MAPK8: variants seen among roughly 807,000 people sequenced by gnomAD.
MAPK8 encodes mitogen-activated protein kinase 8.
A neutral mutation model predicts 52.9 loss-of-function variants in MAPK8; 13 were observed. That is an observed-to-expected ratio of 0.25 (90% CI 0.16 to 0.39). MAPK8 has a LOEUF of 0.39. MAPK8 is among the 10% of genes least tolerant of loss of function. MAPK8 has a pLI of 1.00. For missense variants in MAPK8, 300 were observed against 519.2 expected (o/e 0.58, Z 4.10); for synonymous variants, 191 against 169.8 (o/e 1.12, Z -0.97).
chr10:48,419,757 C>A (rs764703812), intron 5 of MAPK8, among the ~76,000 whole-genome samples: 6 of 152,154 alleles, frequency 3.9e-5, no homozygotes, highest in Non-Finnish European at 7.4e-5. Flanking sequence ...CTTATTGTGA[C>A]TTTAAAATGA....
rs1161526720 is a variant in MAPK8 at position 48,306,789 on chromosome 10, G to C, written c.-82G>C. 3 of 151,548 alleles carry C rather than the reference G, an allele frequency of 2.0e-5. No individual in the cohort carries two copies. Among genetic ancestry groups the C allele is most frequent in the Admixed American group, 2.0e-4 (3 of 15,228 alleles). 9.4% of individuals were successfully genotyped at this position (151,548 alleles called of 1,614,324 possible). ...CCGGACGGCCCCTGTCCCCGCTGGC[G>C]GGCTTCCCTGTCGCCGTTCGCTGCG... On this transcript the variant is annotated 5_prime_UTR_variant, in exon 1 of 12. Coordinates refer to ENST00000374189, the MANE Select transcript of MAPK8 (RefSeq NM_001323329.2).
intron 1 of MAPK8, among the ~76,000 whole-genome samples, chr10:48,334,966 T>C (rs1316934400): frequency 1.3e-5 from 2 of 152,158 alleles, no homozygotes; most frequent in Non-Finnish European, 2.9e-5. Flanking sequence ...ATCCCCCTTA[T>C]AAGGTTATAC....
intron 5 of MAPK8, among the ~76,000 whole-genome samples, chr10:48,417,672 T>C (rs1018048492): frequency 6.6e-6 from 1 of 152,168 alleles, no homozygotes; most frequent in Non-Finnish European, 1.5e-5. Context: ...TTCCCCCATA[T>C]TCCATTGGAC....
At chr10:48,367,357 ATCT>A (rs1378406674) in intron 1 of MAPK8, among the ~76,000 whole-genome samples, 1 of 151,756 alleles carries the variant, frequency 6.6e-6, no homozygotes, top group Non-Finnish European at 1.5e-5. Context: ...GCAGAGTGAG[ATCT>A]TGTTTAAAAA....
intron 1 of MAPK8, among the ~76,000 whole-genome samples, chr10:48,397,881 G>A (rs2041968346): frequency 6.6e-6 from 1 of 152,146 alleles, no homozygotes; most frequent in South Asian, 2.1e-4. Context: ...GTGAGCCACT[G>A]TACCAGGCCG....
intron 1 of MAPK8, among the ~76,000 whole-genome samples, chr10:48,318,034 A>G (rs1436377821): frequency 2.1e-5 from 3 of 141,544 alleles, no homozygotes; most frequent in African/African-American, 7.9e-5. Context: ...TGCCAGGTGT[A>G]TTAGAGTTCT....
intron 1 of MAPK8, among the ~76,000 whole-genome samples, chr10:48,350,175 A>G (rs943797756): frequency 1.3e-5 from 2 of 152,248 alleles, no homozygotes; most frequent in Non-Finnish European, 2.9e-5. Context: ...TCACAGCCGA[A>G]TTCTACCAGA....
chr10:48,373,985 C>T (rs2040493604), intron 1 of MAPK8, among the ~76,000 whole-genome samples: 1 of 152,054 alleles, frequency 6.6e-6, no homozygotes, highest in African/African-American at 2.4e-5. Flanking sequence ...TAAAATTGAC[C>T]ACATAAGTGG....
In MAPK8 at chr10:48,419,489, A is replaced by C. The variant is rs149367465; in HGVS notation, c.451-666A>C. Among the ~76,000 whole-genome samples, 161 of 152,290 alleles carry C rather than the reference A, an allele frequency of 1.1e-3. 1 individual carries two copies. In the East Asian group the frequency reaches 0.013, roughly 12 times the overall value. On this transcript the variant is annotated intron_variant, in intron 5 of 11. Transcript: ENST00000374189. ...TGTTAAAGTAGGGGCCAGGTGAAAA[A>C]TTCTGAATTATTCAGTAGTATCTAT...
intron 1 of MAPK8, among the ~76,000 whole-genome samples, chr10:48,371,970 G>C (rs975283781): frequency 2.0e-5 from 3 of 152,030 alleles, no homozygotes; most frequent in African/African-American, 7.3e-5. Flanking sequence ...GCGTGGAGAA[G>C]GGGCATGGAG....
intron 1 of MAPK8, among the ~76,000 whole-genome samples, chr10:48,389,445 A>G (rs533337731): frequency 5.9e-5 from 9 of 152,192 alleles, no homozygotes; most frequent in African/African-American, 2.2e-4. Context: ...TGGTTCTGCC[A>G]CTTTGTCCAT....
At chr10:48,358,563 T>A (rs1847205184) in intron 1 of MAPK8, among the ~76,000 whole-genome samples, 1 of 152,214 alleles carries the variant, frequency 6.6e-6, no homozygotes, top group Admixed American at 6.5e-5. Flanking sequence ...CTGTGGGTTG[T>A]CTTTCCACTT....
At chr10:48,407,343 A>C (rs1311918400) in intron 3 of MAPK8, among the ~76,000 whole-genome samples, 1 of 152,222 alleles carries the variant, frequency 6.6e-6, no homozygotes, top group Non-Finnish European at 1.5e-5. Flanking sequence ...TGCCATTTTG[A>C]AATCTTCATA....
chr10:48,347,034 GT>G (rs1845855575), intron 1 of MAPK8, among the ~76,000 whole-genome samples: 1 of 152,158 alleles, frequency 6.6e-6, no homozygotes, highest in South Asian at 2.1e-4. Flanking sequence ...GGTGGTAGTG[GT>G]CCCCCGGGCC....
In MAPK8 at chr10:48,436,849, A is replaced by G. The variant is rs925912222; in HGVS notation, c.*1820A>G. On this transcript the variant is annotated 3_prime_UTR_variant, in exon 12 of 12. Coordinates refer to ENST00000374189, the MANE Select transcript of MAPK8 (RefSeq NM_001323329.2). The stretch of plus-strand genomic sequence containing the variant: ...GTGCATTAATTTGATTAGGCAAATT[A>G]GAGTTCTAAGACACTTCTTGAATTG... 18 of 152,226 alleles carry G rather than the reference A, an allele frequency of 1.2e-4. No homozygotes were observed. The highest frequency in any genetic ancestry group is 1.1e-3 in the Admixed American group (17 of 15,282). 9.4% of individuals were successfully genotyped at this position (152,226 alleles called of 1,614,324 possible). A position where few individuals can be genotyped will look rare whatever the true frequency, so the allele number is the denominator to read the frequency against.
intron 2 of MAPK8, 33 bp from the exon 3 acceptor site, chr10:48,404,818 GT>G: frequency 2.6e-6 from 4 of 1,563,394 alleles, no homozygotes; most frequent in Non-Finnish European, 3.5e-6. Flanking sequence ...TTTGCTTGAA[GT>G]TTTTTTGTGT....
intron 1 of MAPK8, among the ~76,000 whole-genome samples, chr10:48,369,523 A>G (rs1308377186): frequency 6.6e-6 from 1 of 152,158 alleles, no homozygotes; most frequent in African/African-American, 2.4e-5. Context: ...CCTTGAATAT[A>G]TGCATCTATA....
At chr10:48,338,599 T>G (rs942055496) in intron 1 of MAPK8, among the ~76,000 whole-genome samples, 3 of 151,754 alleles carry the variant, frequency 2.0e-5, no homozygotes, top group Non-Finnish European at 2.9e-5. Flanking sequence ...ACAAAAGAAA[T>G]AAAAGATGTC....
intron 3 of MAPK8, among the ~76,000 whole-genome samples, chr10:48,406,183 G>T (rs1216932087): frequency 6.6e-6 from 1 of 152,164 alleles, no homozygotes; most frequent in Non-Finnish European, 1.5e-5. Context: ...GAAGAATGAC[G>T]TAAAAAAGGT....
Sources: gnomAD v4.1 joint callset for allele counts (sites outside exome capture counted in the v4.1 genomes callset) on GRCh38, gnomAD v4.1.1 for gene constraint, MANE v1.5 for transcripts, NCBI Gene and HGNC (gene_info 2026-07-23, HGNC 2026-07-21) for gene names.